Variants in TMEM200A observed in about 807,000 individuals in gnomAD.
The protein encoded by TMEM200A is two transmembrane C.
A neutral mutation model predicts 24.3 loss-of-function variants in TMEM200A; 12 were observed. That is an observed-to-expected ratio of 0.49 (90% CI 0.32 to 0.80). The LOEUF is 0.80. Among genes scored for constraint, TMEM200A ranks in the 30% least tolerant of loss-of-function variants. The pLI, the probability that TMEM200A is intolerant of heterozygous loss-of-function variation, is 0.04. For synonymous variants in TMEM200A, 224 were observed against 224.4 expected (o/e 1.00, Z 0.02); for missense variants, 545 against 614.4 (o/e 0.89, Z 1.19).
At chr6:130,406,933 C>G (rs766455712) in intron 2 of TMEM200A, among the ~76,000 whole-genome samples, 2 of 152,160 alleles carry the variant, frequency 1.3e-5, no homozygotes, top group Non-Finnish European at 2.9e-5. Context: ...GTTTCCTGAA[C>G]AAAGCTCATG....
intron 2 of TMEM200A, among the ~76,000 whole-genome samples, chr6:130,403,139 A>T (rs1328351002): frequency 6.6e-6 from 1 of 152,120 alleles, no homozygotes; most frequent in Admixed American, 6.6e-5. Flanking sequence ...GCATTTGGAT[A>T]GTAGATGGTC....
chr6:130,436,166 G>T (rs930247959), intron 2 of TMEM200A, among the ~76,000 whole-genome samples: 1 of 152,166 alleles, frequency 6.6e-6, no homozygotes, highest in Non-Finnish European at 1.5e-5. Flanking sequence ...CCTCCTAGCT[G>T]TGTGACTCTA....
rs369781650 is a variant in TMEM200A, at chr6:130,401,390, CTTCT to C, written c.-17+16165_-17+16168del. 1.9e-3 allele frequency among the ~76,000 whole-genome samples: 284 copies of C among 149,524 alleles called. 4 individuals carry two copies. Among genetic ancestry groups the C allele is most frequent in the Non-Finnish European group, 5.2e-4 (35 of 67,380 alleles). On this transcript the variant is annotated intron_variant, in intron 2 of 2. Transcript: ENST00000296978. Reference sequence around the variant, plus strand: ...CTCCCTCCCCCTGCTTGCTTGCTTGCTTCTTTCTTTCTTTTTCTTTCTTTCTCTT... The same window carrying C: ...CTCCCTCCCCCTGCTTGCTTGCTTGCTTCTTTCTTTTTCTTTCTTTCTCTT...
intron 2 of TMEM200A, among the ~76,000 whole-genome samples, chr6:130,394,568 G>A (rs1196033579): frequency 6.6e-6 from 1 of 152,192 alleles, no homozygotes; most frequent in Non-Finnish European, 1.5e-5. Context: ...TTCTTTATAT[G>A]TGGGAGGACA....
intron 1 of TMEM200A, among the ~76,000 whole-genome samples, chr6:130,375,363 A>G (rs1479101663): frequency 4.0e-5 from 6 of 151,838 alleles, no homozygotes; most frequent in African/African-American, 1.2e-4. Flanking sequence ...AAAATCTCTT[A>G]TAACATGCGT....
intron 1 of TMEM200A, among the ~76,000 whole-genome samples, chr6:130,380,692 G>A (rs1778575746): frequency 6.6e-6 from 1 of 152,264 alleles, no homozygotes; most frequent in Non-Finnish European, 1.5e-5. Flanking sequence ...AGAGTCACTG[G>A]TAGTACATGA....
chr6:130,389,413 C>CTTGTTAGAATTAATGAGAAA (rs1778784880), intron 2 of TMEM200A, among the ~76,000 whole-genome samples: 1 of 151,896 alleles, frequency 6.6e-6, no homozygotes, highest in Admixed American at 6.6e-5. Context: ...CAACTCACAA[C>CTTGTTAGAATTAATGAGAAA]TCTATATCCT....
intron 2 of TMEM200A, among the ~76,000 whole-genome samples, chr6:130,404,174 T>C (rs1779154209): frequency 6.6e-6 from 1 of 152,170 alleles, no homozygotes. Context: ...ATGATGTATA[T>C]TCCTTTGTGT....
At position 130,399,616 on chromosome 6, in the gene TMEM200A, TTA is replaced by T. The variant is rs531204575; in HGVS notation, c.-17+14382_-17+14383del. 2.1e-4 allele frequency among the ~76,000 whole-genome samples: 29 copies of T among 136,274 alleles called. No individual in the cohort carries two copies. The South Asian group carries it at 6.2e-3, about 29-fold the overall frequency. The allele number at this position is 136,274 out of a possible 152,430, so 89.4% of individuals were successfully genotyped here. ...TTTTTCATAGTATACTATTTTCTAC[TTA>T]TGTTTTCTATTTTTATTTCTTCTTT... On this transcript the variant is annotated intron_variant, in intron 2 of 2. Coordinates refer to ENST00000296978, the MANE Select transcript of TMEM200A (RefSeq NM_001258277.2).
intron 1 of TMEM200A, among the ~76,000 whole-genome samples, chr6:130,379,744 C>T (rs752720788): frequency 3.9e-5 from 6 of 152,052 alleles, no homozygotes; most frequent in Non-Finnish European, 8.8e-5. Context: ...GGAAAGAGCA[C>T]AGATGGGACA....
chr6:130,426,231 A>T (rs762903804), intron 2 of TMEM200A, among the ~76,000 whole-genome samples: 6 of 152,170 alleles, frequency 3.9e-5, no homozygotes, highest in Non-Finnish European at 7.4e-5. Context: ...TACCTCGCCC[A>T]GCTCCAGCCT....
At chr6:130,437,495 A>G (rs1186992487) in intron 2 of TMEM200A, 1 of 152,180 alleles carries the variant, frequency 6.6e-6, no homozygotes, top group Non-Finnish European at 1.5e-5. Context: ...GAGTGATAAT[A>G]GAGCCTTCTG....
At chr6:130,394,372 A>AAT (rs1778901582) in intron 2 of TMEM200A, among the ~76,000 whole-genome samples, 1 of 152,202 alleles carries the variant, frequency 6.6e-6, no homozygotes, top group Admixed American at 6.5e-5. Context: ...TACCTCTGCC[A>AAT]GCAGGTTTCT....
intron 1 of TMEM200A, among the ~76,000 whole-genome samples, chr6:130,380,597 TC>T (rs1778573227): frequency 6.6e-6 from 1 of 152,200 alleles, no homozygotes; most frequent in Non-Finnish European, 1.5e-5. Context: ...TGGGAGCTTA[TC>T]TTGGCCCATT....
chr6:130,401,766 A>C (rs1779093180), intron 2 of TMEM200A, among the ~76,000 whole-genome samples: 1 of 151,942 alleles, frequency 6.6e-6, no homozygotes, highest in East Asian at 1.9e-4. Flanking sequence ...CAGTTGTTTT[A>C]AATGTGTAAA....
chr6:130,399,197 G>C (rs1444313716), intron 2 of TMEM200A, among the ~76,000 whole-genome samples: 2 of 151,502 alleles, frequency 1.3e-5, no homozygotes, highest in Non-Finnish European at 3.0e-5. Flanking sequence ...TTTTTTGGTT[G>C]TTTTCAAGAT....
At chr6:130,373,550 A>G (rs1778368440) in intron 1 of TMEM200A, among the ~76,000 whole-genome samples, 1 of 145,980 alleles carries the variant, frequency 6.9e-6, no homozygotes, top group South Asian at 2.3e-4. Context: ...GATTATGTGG[A>G]CATATCATAA....
intron 2 of TMEM200A, among the ~76,000 whole-genome samples, chr6:130,391,186 A>G (rs1778823604): frequency 6.6e-6 from 1 of 152,244 alleles, no homozygotes; most frequent in African/African-American, 2.4e-5. Context: ...GGACACCCAT[A>G]GAAGTGCAAT....
rs148429620 is a variant in TMEM200A at position 130,441,627 on chromosome 6, G to A, written c.1205G>A (p.Arg402Gln). The change falls in exon 3 of 3, where the codon CGG (arginine) becomes CAG (glutamine). Residue 402 changes from arginine (R) to glutamine (Q), a missense_variant. Coordinates refer to ENST00000296978, the MANE Select transcript of TMEM200A (RefSeq NM_001258277.2). ...CACTCAAAGTCCTTGGACTTAGACCGGGGTCCCTCCACTCTAACTGTTCAG... is the reference window on the plus strand; with the variant it reads ...CACTCAAAGTCCTTGGACTTAGACCAGGGTCCCTCCACTCTAACTGTTCAG... ...SSHSKSLDLD[R>Q]GPSTLTVQAE... 101 of 1,613,846 alleles carry A rather than the reference G, an allele frequency of 6.3e-5. No homozygotes were observed. Among genetic ancestry groups the A allele is most frequent in the Non-Finnish European group, 7.7e-5 (91 of 1,180,000 alleles).
Sources: gnomAD v4.1 joint callset for allele counts (sites outside exome capture counted in the v4.1 genomes callset) on GRCh38, gnomAD v4.1.1 for gene constraint, MANE v1.5 for transcripts, NCBI Gene and HGNC (gene_info 2026-07-23, HGNC 2026-07-21) for gene names.